The following ASAP2 variants were observed in gnomAD, a reference collection of about 807,000 sequenced individuals.
ASAP2 encodes the protein ArfGAP with SH3 domain, ankyrin repeat and PH domain 2, also known as arf-GAP with SH3 domain, ANK repeat and PH domain-containing protein 2.
In ASAP2, 45 loss-of-function variants were observed where a neutral mutation model predicts 131.4. The observed-to-expected ratio is 0.34, with a 90% CI of 0.27 to 0.44. The LOEUF (loss-of-function observed/expected upper bound fraction) is 0.44. ASAP2 is among the 20% of genes least tolerant of loss of function. The pLI is 1.00. For missense variants in ASAP2, 1,011 were observed against 1,297.0 expected (o/e 0.78, Z 3.39); for synonymous variants, 510 against 503.0 (o/e 1.01, Z -0.19).
intron 11 of ASAP2, among the ~76,000 whole-genome samples, chr2:9,348,783 C>T (rs1672143991): frequency 6.6e-6 from 1 of 152,122 alleles, no homozygotes; most frequent in African/African-American, 2.4e-5. Context: ...CACCTTTCCC[C>T]GTATCACAGG....
intron 11 of ASAP2, among the ~76,000 whole-genome samples, chr2:9,345,558 T>C (rs961271179): frequency 2.0e-5 from 3 of 152,212 alleles, no homozygotes; most frequent in African/African-American, 7.2e-5. Flanking sequence ...CATGGGCTGG[T>C]AGACAGCTTT....
chr2:9,283,752 C>T (rs1489527866), intron 2 of ASAP2, among the ~76,000 whole-genome samples: 1 of 152,196 alleles, frequency 6.6e-6, no homozygotes, highest in Non-Finnish European at 1.5e-5. Flanking sequence ...GGTGAGGGCT[C>T]TCCTCTCCTT....
intron 24 of ASAP2, among the ~76,000 whole-genome samples, 163 bp downstream of exon 24, chr2:9,393,810 T>C (rs1675911585): frequency 6.6e-6 from 1 of 152,198 alleles, no homozygotes; most frequent in Non-Finnish European, 1.5e-5. Flanking sequence ...AACTGGAGGA[T>C]TTTTAGACTG....
At chr2:9,321,708 G>A (rs912025433) in intron 5 of ASAP2, among the ~76,000 whole-genome samples, 1 of 152,150 alleles carries the variant, frequency 6.6e-6, no homozygotes, top group African/African-American at 2.4e-5. Flanking sequence ...TTCTGAAGAA[G>A]AGTGCCTGAG....
chr2:9,238,741 T>C (rs1663731945), intron 1 of ASAP2, among the ~76,000 whole-genome samples: 1 of 152,192 alleles, frequency 6.6e-6, no homozygotes, highest in South Asian at 2.1e-4. Context: ...GAGTACACTT[T>C]GATGAATCTT....
chr2:9,284,258 T>C (rs139218899), intron 2 of ASAP2, among the ~76,000 whole-genome samples: 1 of 152,324 alleles, frequency 6.6e-6, no homozygotes, highest in Non-Finnish European at 1.5e-5. Context: ...GATTTGGAGG[T>C]TGAATCAGTT....
rs1381372877 is a variant in ASAP2 at position 9,350,789 on chromosome 2, G to A, written c.1024-19G>A. 1.9e-6 allele frequency: 3 copies of A among 1,605,632 alleles called. No individual in the cohort carries two copies. Among genetic ancestry groups the A allele is most frequent in the Non-Finnish European group, 2.6e-6 (3 of 1,175,748 alleles). On this transcript the variant is annotated intron_variant, in intron 11 of 27. Transcript: ENST00000281419. ...CCACCCAACCCCAACCTTTTTTGTTGTTTTTTGCTTTTAAACAGGCTAACC... is the reference window on the plus strand; with the variant it reads ...CCACCCAACCCCAACCTTTTTTGTTATTTTTTGCTTTTAAACAGGCTAACC...
intron 1 of ASAP2, among the ~76,000 whole-genome samples, chr2:9,248,864 C>A (rs767634277): frequency 3.3e-5 from 5 of 152,116 alleles, no homozygotes; most frequent in Non-Finnish European, 7.4e-5. Flanking sequence ...GATGTGAGCT[C>A]AGTGTTAGGT....
chr2:9,335,607 T>C (rs1262771263), intron 9 of ASAP2, among the ~76,000 whole-genome samples: 1 of 152,210 alleles, frequency 6.6e-6, no homozygotes. Context: ...TGAGATTGTG[T>C]TCTATAAAAT....
intron 2 of ASAP2, among the ~76,000 whole-genome samples, chr2:9,289,459 C>T (rs555237345): frequency 9.7e-4 from 147 of 152,110 alleles, no homozygotes; most frequent in Admixed American, 3.2e-3. Flanking sequence ...ATTCTTGACC[C>T]GTAATGGAAG....
chr2:9,362,409 T>A (rs2148668938), intron 15 of ASAP2, among the ~76,000 whole-genome samples: 1 of 152,316 alleles, frequency 6.6e-6, no homozygotes, highest in Admixed American at 6.5e-5. Context: ...TTTTTTTAAT[T>A]AATTTTTTAT....
chr2:9,318,737 AT>A, intron 4 of ASAP2, 139 bp downstream of exon 4: 1 of 570,932 alleles, frequency 1.8e-6, no homozygotes, highest in Non-Finnish European at 3.1e-6. Context: ...GCTTCCTCTG[AT>A]TTGCCATCTT....
At chr2:9,224,014 A>C (rs1018993379) in intron 1 of ASAP2, among the ~76,000 whole-genome samples, 8 of 152,244 alleles carry the variant, frequency 5.3e-5, no homozygotes, top group African/African-American at 1.9e-4. Flanking sequence ...TGCTTTATAA[A>C]TTTTGATGAG....
At chr2:9,223,075 C>T (rs1159872310) in intron 1 of ASAP2, among the ~76,000 whole-genome samples, 1 of 152,214 alleles carries the variant, frequency 6.6e-6, no homozygotes, top group Non-Finnish European at 1.5e-5. Flanking sequence ...TCCTGCATCT[C>T]TCAAGTCACA....
chr2:9,224,248 C>T (rs556899695), intron 1 of ASAP2, among the ~76,000 whole-genome samples: 14 of 152,200 alleles, frequency 9.2e-5, no homozygotes, highest in East Asian at 3.9e-4. Context: ...AATACTCTGG[C>T]GCTTCCTTTT....
intron 3 of ASAP2, among the ~76,000 whole-genome samples, chr2:9,306,720 C>A (rs956922822): frequency 3.3e-5 from 5 of 152,060 alleles, no homozygotes; most frequent in Admixed American, 6.5e-5. Flanking sequence ...GATAGAAATT[C>A]AGCATGTGCT....
intron 3 of ASAP2, among the ~76,000 whole-genome samples, chr2:9,302,876 A>C (rs1013483772): frequency 2.0e-5 from 3 of 152,152 alleles, no homozygotes; most frequent in Non-Finnish European, 4.4e-5. Flanking sequence ...GACAAGCAGT[A>C]GTTTGTGGCT....
rs187462207 is a variant in ASAP2, at chr2:9,389,604, C to A, written c.2383+1058C>A. 1.4e-4 allele frequency among the ~76,000 whole-genome samples: 21 copies of A among 152,222 alleles called. No individual in the cohort carries two copies. Among genetic ancestry groups the A allele is most frequent in the Admixed American group, 5.9e-4 (9 of 15,290 alleles). On this transcript the variant is annotated intron_variant, in intron 22 of 27. Coordinates refer to ENST00000281419, the MANE Select transcript of ASAP2 (RefSeq NM_003887.3). This position sits in a 1 kb window ranked among gnomAD's most constrained non-coding sequence, Gnocchi z 4.7. ...CCTGCCGTCCTGGGTGTCTCACAGA[C>A]CCTCACACGGCTCTGCCCCTGTCAT...
At chr2:9,271,864 C>A (rs1666426266) in intron 1 of ASAP2, among the ~76,000 whole-genome samples, 1 of 152,076 alleles carries the variant, frequency 6.6e-6, no homozygotes, top group African/African-American at 2.4e-5. Context: ...CTATTTCCAT[C>A]CACATCATTG....
Sources: allele counts gnomAD v4.1 joint callset (sites outside exome capture counted in the v4.1 genomes callset), GRCh38; gene constraint gnomAD v4.1.1; non-coding constraint Gnocchi (gnomAD v3.1); transcripts MANE v1.5; gene names NCBI Gene and HGNC (gene_info 2026-07-23, HGNC 2026-07-21).